The following CENPP variants were observed in gnomAD, a reference collection of about 807,000 sequenced individuals.
The protein encoded by CENPP is centromere protein P.
CENPP carries 24 observed loss-of-function variants against 35.6 expected under a neutral mutation model. The observed-to-expected ratio is 0.67, with a 90% CI of 0.49 to 0.95. The LOEUF is 0.95. Among genes scored for constraint, CENPP ranks in the 40% least tolerant of loss-of-function variants. The pLI, the probability that CENPP is intolerant of heterozygous loss-of-function variation, is 0.00. For missense variants in CENPP, 332 were observed against 345.3 expected, an observed-to-expected ratio of 0.96 and a Z score of 0.31; for synonymous variants, 120 against 125.5, an observed-to-expected ratio of 0.96 and a Z score of 0.29.
chr9:92,457,707 C>T (rs575596806), intron 5 of CENPP, among the ~76,000 whole-genome samples: 7 of 152,258 alleles, frequency 4.6e-5, no homozygotes, highest in Middle Eastern at 3.4e-3. Flanking sequence ...GAAGGACTCC[C>T]GCCAGGGCCC....
intron 5 of CENPP, among the ~76,000 whole-genome samples, chr9:92,559,226 C>T (rs1013151001): frequency 4.6e-5 from 7 of 152,218 alleles, no homozygotes; most frequent in Non-Finnish European, 1.0e-4. Context: ...TCTGGCCGCC[C>T]TCCCGATGGA....
At chr9:92,492,545 T>A (rs1846201327) in intron 5 of CENPP, among the ~76,000 whole-genome samples, 1 of 152,204 alleles carries the variant, frequency 6.6e-6, no homozygotes. Flanking sequence ...TAAGGAGATG[T>A]ACGTGGAGCC....
intron 1 of CENPP, 142 bp from the exon 2 acceptor site, chr9:92,332,027 AT>A (rs910451481): frequency 2.0e-5 from 9 of 456,008 alleles, no homozygotes; most frequent in South Asian, 5.9e-5. Flanking sequence ...TAATTTTTTA[AT>A]TTTTTTTATT....
intron 5 of CENPP, chr9:92,516,950 CCCA>C: frequency 6.6e-6 from 1 of 152,398 alleles, no homozygotes; most frequent in Non-Finnish European, 1.5e-5. Context: ...CCTATCCCTT[CCCA>C]GCCAATTATT....
chr9:92,453,274 T>C (rs1435721928), intron 5 of CENPP, among the ~76,000 whole-genome samples: 11 of 152,288 alleles, frequency 7.2e-5, no homozygotes, highest in African/African-American at 2.4e-4. Context: ...GCTTTGAATG[T>C]GTCCCAGGGA....
At chr9:92,540,614 T>C (rs1310666057) in intron 5 of CENPP, among the ~76,000 whole-genome samples, 1 of 144,008 alleles carries the variant, frequency 6.9e-6, no homozygotes, top group East Asian at 2.1e-4. Flanking sequence ...CTACTAAAAA[T>C]ACAAAAATTA....
At chr9:92,450,981 A>G (rs1424623331) in intron 5 of CENPP, among the ~76,000 whole-genome samples, 1 of 151,950 alleles carries the variant, frequency 6.6e-6, no homozygotes, top group Non-Finnish European at 1.5e-5. Flanking sequence ...AGTTCATTGT[A>G]GATTCTGGAT....
At chr9:92,327,969 G>C (rs1407252115) in intron 1 of CENPP, among the ~76,000 whole-genome samples, 2 of 152,082 alleles carry the variant, frequency 1.3e-5, no homozygotes, top group Non-Finnish European at 2.9e-5. Flanking sequence ...CATTAATGCT[G>C]GTCAGTTGTT....
chr9:92,599,312 C>T (rs1041748100), intron 5 of CENPP, among the ~76,000 whole-genome samples: 9 of 152,182 alleles, frequency 5.9e-5, no homozygotes, highest in African/African-American at 1.9e-4. Flanking sequence ...GCTAAGGTCA[C>T]ACAGGACAGA....
chr9:92,390,124 C>T (rs1450704165), intron 5 of CENPP: 6 of 908,468 alleles, frequency 6.6e-6, no homozygotes, highest in African/African-American at 3.3e-5. Context: ...TGAAGAAAAG[C>T]ATTTGTTTAA....
chr9:92,510,068 C>G (rs899690821), intron 5 of CENPP: 34 of 1,573,792 alleles, frequency 2.2e-5, no homozygotes, highest in Non-Finnish European at 2.8e-5. Context: ...ACTTTTTTAT[C>G]TAGTCACAGC....
chr9:92,505,690 T>C (rs745349251), intron 5 of CENPP: 19 of 1,565,214 alleles, frequency 1.2e-5, no homozygotes, highest in Non-Finnish European at 1.5e-5. Flanking sequence ...CTGATTTAAG[T>C]CTATAAAAAA....
intron 5 of CENPP, chr9:92,404,366 C>A: frequency 2.1e-6 from 1 of 474,804 alleles, no homozygotes; most frequent in Non-Finnish European, 3.3e-6. Flanking sequence ...TACATAAGTA[C>A]TTCTTAAAAA....
intron 5 of CENPP, among the ~76,000 whole-genome samples, chr9:92,602,052 C>G (rs890905586): frequency 6.6e-6 from 1 of 152,118 alleles, no homozygotes; most frequent in South Asian, 2.1e-4. Flanking sequence ...CAAAATGAGC[C>G]TAGAACAGCT....
chr9:92,473,860 C>T (rs1192374771), intron 5 of CENPP, among the ~76,000 whole-genome samples: 2 of 152,216 alleles, frequency 1.3e-5, no homozygotes, highest in Non-Finnish European at 2.9e-5. Flanking sequence ...ACGTCTAATG[C>T]TTTTCAAGAC....
At chr9:92,488,744 A>G (rs759199412) in intron 5 of CENPP, among the ~76,000 whole-genome samples, 2 of 152,248 alleles carry the variant, frequency 1.3e-5, no homozygotes, top group Non-Finnish European at 1.5e-5. Flanking sequence ...AGATTTGCTT[A>G]TATCAATTGA....
At chr9:92,360,852 C>T (rs1262757183) in intron 4 of CENPP, among the ~76,000 whole-genome samples, 1 of 149,894 alleles carries the variant, frequency 6.7e-6, no homozygotes, top group African/African-American at 2.5e-5. Context: ...CTACAGGCGC[C>T]CACCACCACA....
At chr9:92,416,821 A>T in intron 5 of CENPP, 1 of 1,613,970 alleles carries the variant, frequency 6.2e-7, no homozygotes, top group African/African-American at 1.3e-5. Context: ...CGGGTATAGA[A>T]GAAATTGAAT....
chr9:92,475,628 G>A (rs1017514261), intron 5 of CENPP, among the ~76,000 whole-genome samples: 5 of 152,176 alleles, frequency 3.3e-5, no homozygotes, highest in Non-Finnish European at 7.4e-5. Flanking sequence ...CCCTGAAGGA[G>A]GAATATCTTC....
Sources: allele counts gnomAD v4.1 joint callset (sites outside exome capture counted in the v4.1 genomes callset), GRCh38; gene constraint gnomAD v4.1.1; transcripts MANE v1.5; gene names NCBI Gene and HGNC (gene_info 2026-07-23, HGNC 2026-07-21).